ACTN4: variants seen among roughly 807,000 people sequenced by gnomAD.
ACTN4 encodes the protein alpha-actinin-4.
In ACTN4, 18 loss-of-function variants were observed where a neutral mutation model predicts 114.2. That is an observed-to-expected ratio of 0.16 (90% CI 0.11 to 0.23). ACTN4 has a LOEUF of 0.23. Among genes scored for constraint, ACTN4 ranks in the 10% least tolerant of loss-of-function variants. The pLI, the probability that ACTN4 is intolerant of heterozygous loss-of-function variation, is 1.00. For synonymous variants in ACTN4, 515 were observed against 506.3 expected (o/e 1.02, Z -0.23); for missense variants, 722 against 1,262.9 (o/e 0.57, Z 6.49).
intron 17 of ACTN4, 152 bp from the exon 18 acceptor site, chr19:38,726,805 G>A (rs1969246847): frequency 1.7e-6 from 2 of 1,171,554 alleles, no homozygotes. Flanking sequence ...GAGGCAGCAG[G>A]GAGGCACCAT....
chr19:38,689,437 G>A (rs912952890), intron 1 of ACTN4, among the ~76,000 whole-genome samples: 1 of 152,114 alleles, frequency 6.6e-6, no homozygotes, highest in Non-Finnish European at 1.5e-5. Flanking sequence ...AGGGAAGTGG[G>A]GTTGGAGAGT....
chr19:38,718,547 A>G (rs940900921), intron 11 of ACTN4, among the ~76,000 whole-genome samples: 3 of 151,922 alleles, frequency 2.0e-5, no homozygotes, highest in Non-Finnish European at 4.4e-5. Flanking sequence ...AAAAAAAAGG[A>G]AAGAAATGCT....
At chr19:38,725,683 G>A in intron 16 of ACTN4, 41 bp from the exon 17 acceptor site, 1 of 1,603,052 alleles carries the variant, frequency 6.2e-7, no homozygotes, top group South Asian at 1.1e-5. Context: ...GTGGGGGCAG[G>A]CCCACCAGCC....
In ACTN4 at chr19:38,647,698, A is replaced by C; in HGVS notation, c.-48A>C. 1 of 1,514,732 alleles carries C rather than the reference A, an allele frequency of 6.6e-7. No individual in the cohort carries two copies. The highest frequency in any genetic ancestry group is 8.8e-7 in the Non-Finnish European group (1 of 1,132,458). 93.8% of individuals were successfully genotyped at this position (1,514,732 alleles called of 1,614,324 possible). ...GCGGCGGCTCGGGCAGAGGGGCGGG[A>C]GCTGAGGCGGGAGCGGACAGGCTGG... On this transcript the variant is annotated 5_prime_UTR_variant, in exon 1 of 21. Transcript: ENST00000252699.
At chr19:38,685,556 G>C (rs570367481) in intron 1 of ACTN4, among the ~76,000 whole-genome samples, 2 of 152,080 alleles carry the variant, frequency 1.3e-5, no homozygotes, top group African/African-American at 2.4e-5. Flanking sequence ...TCAATTATGC[G>C]GATAAAGGCC....
chr19:38,667,769 G>A (rs777706577), intron 1 of ACTN4, among the ~76,000 whole-genome samples: 2 of 151,476 alleles, frequency 1.3e-5, no homozygotes, highest in Non-Finnish European at 2.9e-5. Flanking sequence ...TCTCTGAGTC[G>A]CTAATCTTCC....
In ACTN4 at chr19:38,718,094, C is replaced by CA. The variant is rs1968906812; in HGVS notation, c.1291+21dup. 6.3e-7 allele frequency: 1 copy of CA among 1,594,300 alleles called. No individual in the cohort carries two copies. Among genetic ancestry groups the CA allele is most frequent in the Non-Finnish European group, 8.5e-7 (1 of 1,170,144 alleles). ...CTGACGGTACGGCCCAGCTCTGCCC[C>CA]ACTCTGCCCAGCCCCGCTCCCGTGC... On this transcript the variant is annotated intron_variant, in intron 11 of 20. Coordinates refer to ENST00000252699, the MANE Select transcript of ACTN4 (RefSeq NM_004924.6).
At chr19:38,682,823 T>G (rs1555828826) in intron 1 of ACTN4, among the ~76,000 whole-genome samples, 1 of 152,184 alleles carries the variant, frequency 6.6e-6, no homozygotes, top group Non-Finnish European at 1.5e-5. Flanking sequence ...CTGGGAATGA[T>G]CTCCCCCTGG....
chr19:38,679,936 A>G (rs865839982), intron 1 of ACTN4, among the ~76,000 whole-genome samples: 4 of 151,944 alleles, frequency 2.6e-5, no homozygotes, highest in African/African-American at 7.3e-5. Flanking sequence ...CTCATCTCCT[A>G]TGGCTAAATT....
At chr19:38,696,152 A>G (rs1968084751) in intron 1 of ACTN4, among the ~76,000 whole-genome samples, 1 of 152,074 alleles carries the variant, frequency 6.6e-6, no homozygotes, top group African/African-American at 2.4e-5. Flanking sequence ...TGCTGTTATT[A>G]TTACCACTTT....
intron 1 of ACTN4, among the ~76,000 whole-genome samples, chr19:38,651,316 C>G (rs531023719): frequency 1.3e-5 from 2 of 152,078 alleles, no homozygotes; most frequent in Non-Finnish European, 2.9e-5. Flanking sequence ...CCCTGTAACC[C>G]GTAAGTAGGT....
At chr19:38,663,057 C>T (rs576619858) in intron 1 of ACTN4, among the ~76,000 whole-genome samples, 66 of 152,126 alleles carry the variant, frequency 4.3e-4, no homozygotes, top group South Asian at 1.7e-3. Context: ...TTACAGGTGC[C>T]GGCCACCACG....
intron 1 of ACTN4, among the ~76,000 whole-genome samples, chr19:38,673,547 TTATATATA>T (rs1967228130): frequency 1.6e-4 from 14 of 88,230 alleles, no homozygotes; most frequent in African/African-American, 5.0e-4. Flanking sequence ...TTATATATAT[TTATATATA>T]CTTATATATA....
chr19:38,728,530 C>T, intron 19 of ACTN4: 4 of 524,256 alleles, frequency 7.6e-6, no homozygotes, highest in South Asian at 1.7e-5. Flanking sequence ...GCAGCCGTGC[C>T]TGCCTCTTCC....
intron 1 of ACTN4, among the ~76,000 whole-genome samples, chr19:38,657,881 C>A (rs1364630623): frequency 6.6e-6 from 1 of 152,206 alleles, no homozygotes; most frequent in Non-Finnish European, 1.5e-5. Context: ...TTGGTGTCAT[C>A]AAGGCCTCAG....
chr19:38,690,121 C>A (rs1389540796), intron 1 of ACTN4, among the ~76,000 whole-genome samples: 1 of 152,208 alleles, frequency 6.6e-6, no homozygotes, highest in East Asian at 1.9e-4. Flanking sequence ...GGGATATAAA[C>A]CCCAGGCATT....
At position 38,714,505 on chromosome 19, in the gene ACTN4, G is replaced by A. The variant is rs370529230; in HGVS notation, c.856G>A (p.Ala286Thr). The change falls in exon 9 of 21, where the codon GCT (alanine) becomes ACT (threonine). Residue 286 changes from alanine (A) to threonine (T), a missense_variant. Transcript: ENST00000252699. The stretch of plus-strand genomic sequence containing the variant: ...CGCCAACCGGATCTGTAAGGTGCTG[G>A]CTGTCAACCAAGAGAACGAGCACCT... ...TAANRICKVL[A>T]VNQENEHLME... 1.1e-5 allele frequency: 17 copies of A among 1,613,798 alleles called. No homozygotes were observed. Among genetic ancestry groups the A allele is most frequent in the Non-Finnish European group, 1.4e-5 (17 of 1,180,020 alleles).
At chr19:38,699,995 C>T (rs1351434507) in intron 1 of ACTN4, among the ~76,000 whole-genome samples, 4 of 152,136 alleles carry the variant, frequency 2.6e-5, no homozygotes, top group Non-Finnish European at 2.9e-5. Context: ...TGCCACTTTC[C>T]TGTTCTGGGT....
At position 38,664,010 on chromosome 19, in the gene ACTN4, G is replaced by A. The variant is rs551722478; in HGVS notation, c.162+16103G>A. Reference sequence around the variant, plus strand: ...GCCCTGTGTCTCAGCCCCTCAGGGCGTGTGGTGCTGCACACTGCCGCCCAG... The same window carrying A: ...GCCCTGTGTCTCAGCCCCTCAGGGCATGTGGTGCTGCACACTGCCGCCCAG... On this transcript the variant is annotated intron_variant, in intron 1 of 20. Coordinates refer to ENST00000252699, the MANE Select transcript of ACTN4 (RefSeq NM_004924.6). Among the ~76,000 whole-genome samples, 8 of 152,230 alleles carry A rather than the reference G, an allele frequency of 5.3e-5. No individual in the cohort carries two copies. The South Asian group carries it at 1.7e-3, about 31-fold the overall frequency.
Sources: allele counts gnomAD v4.1 joint callset (sites outside exome capture counted in the v4.1 genomes callset), GRCh38; gene constraint gnomAD v4.1.1; transcripts MANE v1.5; gene names NCBI Gene and HGNC (gene_info 2026-07-23, HGNC 2026-07-21).